Variants in EFHC1 observed in about 807,000 individuals in gnomAD.
EFHC1 encodes the protein EF-hand domain containing 1.
EFHC1 carries 53 observed loss-of-function variants against 69.9 expected under a neutral mutation model. That is an observed-to-expected ratio of 0.76 (90% CI 0.61 to 0.95). The LOEUF is 0.95. EFHC1 is among the 40% of genes least tolerant of loss of function. EFHC1 has a pLI of 0.00. For missense variants in EFHC1, 739 were observed against 798.7 expected, an observed-to-expected ratio of 0.93 and a Z score of 0.90; for synonymous variants, 256 against 278.4, an observed-to-expected ratio of 0.92 and a Z score of 0.80.
intron 7 of EFHC1, among the ~76,000 whole-genome samples, chr6:52,470,829 TGCTAAATGA>T (rs1765420820): frequency 1.3e-5 from 2 of 152,242 alleles, no homozygotes; most frequent in Admixed American, 1.3e-4. Flanking sequence ...TGTTAGATAT[TGCTAAATGA>T]GGAGAAAAGA....
intron 1 of EFHC1, among the ~76,000 whole-genome samples, chr6:52,422,605 A>G (rs1310878479): frequency 6.6e-6 from 1 of 152,130 alleles, no homozygotes; most frequent in Non-Finnish European, 1.5e-5. Context: ...TCATAAAAAT[A>G]TTTTTTATGA....
rs965708530 is a variant in EFHC1, at chr6:52,490,490, T to G, written c.1851+140T>G. 8 of 720,556 alleles carry G rather than the reference T, an allele frequency of 1.1e-5. 1 individual carries two copies. Among genetic ancestry groups the G allele is most frequent in the Middle Eastern group, 3.4e-4 (1 of 2,904 alleles). 44.6% of individuals were successfully genotyped at this position (720,556 alleles called of 1,614,324 possible). A position where few individuals can be genotyped will look rare whatever the true frequency, so the allele number is the denominator to read the frequency against. On this transcript the variant is annotated intron_variant, in intron 10 of 10. Coordinates refer to ENST00000371068, the MANE Select transcript of EFHC1 (RefSeq NM_018100.4). ...ATCAGATCTACTATTCTGTCCTGAT[T>G]AGGTATTGCCCGTTGATTCTAGCAT...
chr6:52,481,555 C>G (rs992373193), intron 9 of EFHC1: 1 of 150,920 alleles, frequency 6.6e-6, no homozygotes, highest in African/African-American at 2.5e-5. Flanking sequence ...GGATCTCGCT[C>G]TGTACCCAGG....
intron 3 of EFHC1, among the ~76,000 whole-genome samples, chr6:52,449,366 G>A (rs1305780968): frequency 6.9e-6 from 1 of 145,606 alleles, no homozygotes; most frequent in African/African-American, 2.6e-5. Context: ...GGGCGACAGA[G>A]CAAGACTCCA....
chr6:52,474,377 C>CA (rs1249203484), intron 7 of EFHC1, among the ~76,000 whole-genome samples: 1 of 152,176 alleles, frequency 6.6e-6, no homozygotes, highest in Non-Finnish European at 1.5e-5. Context: ...AGATTACAAT[C>CA]ATAGTGAGTT....
intron 6 of EFHC1, among the ~76,000 whole-genome samples, chr6:52,467,872 A>G (rs189493192): frequency 6.6e-6 from 1 of 152,300 alleles, no homozygotes; most frequent in Admixed American, 6.5e-5. Context: ...TAGTCATTAT[A>G]CCTCAGTCAT....
At chr6:52,441,006 A>G (rs1449244753) in intron 3 of EFHC1, among the ~76,000 whole-genome samples, 2 of 151,394 alleles carry the variant, frequency 1.3e-5, no homozygotes, top group Admixed American at 1.3e-4. Flanking sequence ...CTTGTAAATT[A>G]AAGTTTCTTA....
At chr6:52,467,333 AC>A (rs1163534766) in intron 6 of EFHC1, among the ~76,000 whole-genome samples, 2 of 151,874 alleles carry the variant, frequency 1.3e-5, no homozygotes, top group Non-Finnish European at 2.9e-5. Context: ...AGGTCGTGCC[AC>A]CACACCCAGC....
chr6:52,453,117 G>A, intron 4 of EFHC1: 1 of 1,426,222 alleles, frequency 7.0e-7, no homozygotes. Flanking sequence ...AGCTACATCT[G>A]CTTCCCACCT....
At chr6:52,420,878 A>G in intron 1 of EFHC1, 1 of 429,512 alleles carries the variant, frequency 2.3e-6, no homozygotes, top group Non-Finnish European at 3.8e-6. Context: ...CTCTCACATC[A>G]TAACCTGTCT....
At chr6:52,439,532 A>G (rs769812952) in intron 3 of EFHC1, among the ~76,000 whole-genome samples, 1 of 152,154 alleles carries the variant, frequency 6.6e-6, no homozygotes, top group Non-Finnish European at 1.5e-5. Context: ...CTTGCATGTT[A>G]TAGGTACTTG....
At chr6:52,427,834 G>A (rs1764334187) in intron 2 of EFHC1, among the ~76,000 whole-genome samples, 1 of 152,038 alleles carries the variant, frequency 6.6e-6, no homozygotes, top group Non-Finnish European at 1.5e-5. Flanking sequence ...TTATAATTGT[G>A]TGTGATATGA....
chr6:52,488,604 A>G (rs1174658560), intron 9 of EFHC1: 3 of 152,230 alleles, frequency 2.0e-5, no homozygotes, highest in Non-Finnish European at 4.4e-5. Context: ...CACAGATATG[A>G]AGGGACCAAG....
At chr6:52,450,849 C>G (rs954413902) in intron 3 of EFHC1, among the ~76,000 whole-genome samples, 1 of 152,048 alleles carries the variant, frequency 6.6e-6, no homozygotes, top group Non-Finnish European at 1.5e-5. Context: ...CCCAGGTTGG[C>G]GTGCAGTGGC....
At chr6:52,424,896 A>G (rs1435804464) in intron 2 of EFHC1, among the ~76,000 whole-genome samples, 1 of 152,208 alleles carries the variant, frequency 6.6e-6, no homozygotes, top group Admixed American at 6.5e-5. Context: ...CTTTATGTGT[A>G]ACTGGTTCTG....
chr6:52,491,503 G>T (rs1765903316), intron 10 of EFHC1, among the ~76,000 whole-genome samples: 1 of 152,192 alleles, frequency 6.6e-6, no homozygotes, highest in Non-Finnish European at 1.5e-5. Context: ...GAGCTGAGTG[G>T]ACAGTCTTTT....
At chr6:52,447,224 C>T in intron 3 of EFHC1, among the ~76,000 whole-genome samples, 1 of 152,236 alleles carries the variant, frequency 6.6e-6, no homozygotes, top group Non-Finnish European at 1.5e-5. Flanking sequence ...TTGGTCTTTT[C>T]ACATAGTTCC....
intron 9 of EFHC1, chr6:52,485,905 G>C (rs1332691631): frequency 6.6e-6 from 1 of 152,172 alleles, no homozygotes; most frequent in African/African-American, 2.4e-5. Flanking sequence ...ACGACATGGG[G>C]TAAGAGATCC....
chr6:52,495,249 A>T lies in EFHC1; in HGVS notation c.*2908A>T, dbSNP rs943793132. ...TTCCTTTAGACTGTTTCAGGGGAGA[A>T]CCAGGTACCCCAAATCTTATGCTCT... On this transcript the variant is annotated 3_prime_UTR_variant, in exon 11 of 11. Transcript: ENST00000371068. The T allele has an allele frequency of 6.6e-6, 3 of 453,970 alleles. No individual in the cohort carries two copies. The highest frequency in any genetic ancestry group is 1.3e-5 in the Non-Finnish European group (3 of 226,796). 28.1% of individuals were successfully genotyped at this position (453,970 alleles called of 1,614,324 possible). A position where few individuals can be genotyped will look rare whatever the true frequency, so the allele number is the denominator to read the frequency against.
Sources: gnomAD v4.1 joint callset for allele counts (sites outside exome capture counted in the v4.1 genomes callset) on GRCh38, gnomAD v4.1.1 for gene constraint, MANE v1.5 for transcripts, NCBI Gene and HGNC (gene_info 2026-07-23, HGNC 2026-07-21) for gene names.